The following TAF1A variants were observed in gnomAD, a reference collection of about 807,000 sequenced individuals.
TAF1A encodes TATA-box binding protein associated factor, RNA polymerase I subunit A.
In TAF1A, 42 loss-of-function variants were observed where a neutral mutation model predicts 61.6. The ratio of observed to expected loss-of-function variants is 0.68; its 90% CI spans 0.53 to 0.88. The LOEUF (loss-of-function observed/expected upper bound fraction) is 0.88, where lower values mean the gene tolerates loss of function less well. Ranked by LOEUF, TAF1A falls within the 40% of genes least tolerant of loss-of-function variation. The pLI is 0.00. For missense variants in TAF1A, 424 were observed against 518.7 expected, an observed-to-expected ratio of 0.82 and a Z score of 1.77; for synonymous variants, 179 against 177.7, an observed-to-expected ratio of 1.01 and a Z score of -0.06.
At position 222,584,648 on chromosome 1, in the gene TAF1A, G is replaced by A. The variant is rs186441570; in HGVS notation, c.122-351C>T. Among the ~76,000 whole-genome samples the A allele has an allele frequency of 1.1e-3, 163 of 152,208 alleles. 1 individual carries two copies. Among genetic ancestry groups the A allele is most frequent in the African/African-American group, 3.7e-3 (154 of 41,522 alleles). On this transcript the variant is annotated intron_variant, in intron 2 of 10. Coordinates refer to ENST00000352967, the MANE Select transcript of TAF1A (RefSeq NM_005681.4). ...GGTATTTAGAATGGGTAAAATGTCA[G>A]GGTCATTCTAGGCAAACATGGTCTT...
At chr1:222,560,786 T>C (rs1053468010) in intron 10 of TAF1A, among the ~76,000 whole-genome samples, 2 of 152,198 alleles carry the variant, frequency 1.3e-5, no homozygotes, top group Non-Finnish European at 2.9e-5. Flanking sequence ...TCTGTGGTAG[T>C]TTCATTTCGG....
At chr1:222,561,273 C>T in intron 10 of TAF1A, 91 bp downstream of exon 10, 1 of 1,333,886 alleles carries the variant, frequency 7.5e-7, no homozygotes, top group South Asian at 1.5e-5. Context: ...TTTTAGGTAC[C>T]ATGTTAGGTA....
At chr1:222,567,277 G>A (rs1660154601) in intron 7 of TAF1A, among the ~76,000 whole-genome samples, 1 of 152,106 alleles carries the variant, frequency 6.6e-6, no homozygotes, top group African/African-American at 2.4e-5. Context: ...TTAGCACAGA[G>A]GTTTTCAGGG....
chr1:222,587,020 T>C (rs1661042816), intron 2 of TAF1A, among the ~76,000 whole-genome samples: 1 of 152,226 alleles, frequency 6.6e-6, no homozygotes. Flanking sequence ...AGACTTTCTA[T>C]AGAACACTGG....
At chr1:222,579,951 T>C in intron 3 of TAF1A, 79 bp from the exon 4 acceptor site, 2 of 1,498,950 alleles carry the variant, frequency 1.3e-6, no homozygotes, top group Non-Finnish European at 1.8e-6. Context: ...TTTTCCTGAT[T>C]ACAACATTAA....
At chr1:222,579,937 A>G in intron 3 of TAF1A, 65 bp from the exon 4 acceptor site, 1 of 1,550,018 alleles carries the variant, frequency 6.5e-7, no homozygotes, top group Non-Finnish European at 8.7e-7. Context: ...TGTCTAAGAT[A>G]TTGTTTTCCT....
chr1:222,580,689 A>G (rs1660750123), intron 3 of TAF1A, among the ~76,000 whole-genome samples: 1 of 151,892 alleles, frequency 6.6e-6, no homozygotes, highest in Non-Finnish European at 1.5e-5. Flanking sequence ...ATCACACTGT[A>G]GTATTTGGGA....
In TAF1A at chr1:222,577,552, C is replaced by T. The variant is rs573293473; in HGVS notation, c.497G>A (p.Gly166Asp). 3 of 1,613,930 alleles carry T rather than the reference C, an allele frequency of 1.9e-6. No homozygotes were observed. The South Asian group carries it at 3.3e-5, about 18-fold the overall frequency. ...TATTTCCCGGGAAGACGTATTTTCACCATGTCTCCATGTCTCTGCCTCACT... is the reference window on the plus strand; with the variant it reads ...TATTTCCCGGGAAGACGTATTTTCATCATGTCTCCATGTCTCTGCCTCACT... ...NLSEAETWRH[G>D]ENTSSREILI... Residue 166 changes from glycine to aspartate, a missense_variant, in exon 5 of 11, where the codon GGT (glycine) becomes GAT (aspartate). Physicochemically the swap from Gly to Asp is moderately conservative, Grantham distance 94. Coordinates refer to ENST00000352967, the MANE Select transcript of TAF1A (RefSeq NM_005681.4).
chr1:222,554,740 G>T (rs959740075), downstream of TAF1A, among the ~76,000 whole-genome samples: 1 of 152,082 alleles, frequency 6.6e-6, no homozygotes, highest in Non-Finnish European at 1.5e-5. Flanking sequence ...CAGAATAAAG[G>T]TGAGGCCCAG....
chr1:222,558,297 T>G (rs1364506969), downstream of TAF1A: 2 of 152,756 alleles, frequency 1.3e-5, no homozygotes, highest in Non-Finnish European at 2.9e-5. Flanking sequence ...AATATAAAAG[T>G]AGAATATAAA....
intron 10 of TAF1A, 147 bp downstream of exon 10, chr1:222,561,217 A>G: frequency 1.4e-6 from 1 of 701,432 alleles, no homozygotes; most frequent in East Asian, 3.0e-5. Context: ...GTCCCAACTC[A>G]GGATTCACTC....
chr1:222,577,610 G>T lies in TAF1A; in HGVS notation c.439C>A (p.His147Asn). ...SLQHALYLLH[H>N]GMLKDAKRNL... Reference sequence around the variant, plus strand: ...CTCTTAGCATCTTTAAGCATTCCATGATGCAGAAGGTATAATGCATGTTGT... The same window carrying T: ...CTCTTAGCATCTTTAAGCATTCCATTATGCAGAAGGTATAATGCATGTTGT... Residue 147 changes from histidine (H) to asparagine (N), a missense_variant, in exon 5 of 11, where the codon CAT (histidine) becomes AAT (asparagine). His to Asn is a moderately conservative substitution (Grantham distance 68). Transcript: ENST00000352967. The T allele has an allele frequency of 1.2e-6, 2 of 1,613,890 alleles. No homozygotes were observed. Among genetic ancestry groups the T allele is most frequent in the Non-Finnish European group, 1.7e-6 (2 of 1,179,886 alleles).
chr1:222,559,560 T>A (rs1456611744), intron 10 of TAF1A, among the ~76,000 whole-genome samples: 1 of 152,226 alleles, frequency 6.6e-6, no homozygotes, highest in Non-Finnish European at 1.5e-5. Flanking sequence ...ATTAATTTCA[T>A]TACAGTTTCA....
At chr1:222,579,266 A>G (rs965385408) in intron 4 of TAF1A, among the ~76,000 whole-genome samples, 6 of 152,230 alleles carry the variant, frequency 3.9e-5, no homozygotes, top group Non-Finnish European at 7.3e-5. Flanking sequence ...TGAGACAAAA[A>G]CATAGAGAGG....
chr1:222,563,282 G>A lies in TAF1A; in HGVS notation c.976C>T (p.Arg326Cys), dbSNP rs372544688. 27 of 1,612,150 alleles carry A rather than the reference G, an allele frequency of 1.7e-5. No individual in the cohort carries two copies. The highest frequency in any genetic ancestry group is 1.3e-4 in the African/African-American group (10 of 74,744). Reference sequence around the variant, plus strand: ...AATAATACCTCCAACCCCAGTTTACGGTGTTCTTCTTTTTCTGCAATGGTT... The same window carrying A: ...AATAATACCTCCAACCCCAGTTTACAGTGTTCTTCTTTTTCTGCAATGGTT... ...LLRKSEKEEH[R>C]KLGLEVLFGV... is the part of the protein sequence containing the mutation. Residue 326 changes from arginine to cysteine, a missense_variant, in exon 9 of 11, where the codon CGT becomes TGT. Transcript: ENST00000352967.
chr1:222,566,187 G>A (rs994121057), intron 7 of TAF1A, among the ~76,000 whole-genome samples: 2 of 152,094 alleles, frequency 1.3e-5, no homozygotes, highest in African/African-American at 4.8e-5. Flanking sequence ...ATTTGCCAAA[G>A]ATGATAAACA....
chr1:222,572,641 T>C (rs191299270), intron 5 of TAF1A, among the ~76,000 whole-genome samples: 1 of 152,300 alleles, frequency 6.6e-6, no homozygotes, highest in East Asian at 1.9e-4. Flanking sequence ...ATTACAGGCA[T>C]GGCCACTGCT....
intron 7 of TAF1A, chr1:222,569,145 C>T (rs1437970951): frequency 1.0e-5 from 7 of 687,608 alleles, no homozygotes; most frequent in Non-Finnish European, 1.3e-5. Context: ...TGTTCTATAT[C>T]ATGATTACCA....
chr1:222,589,223 G>A (rs1013823774), intron 1 of TAF1A, among the ~76,000 whole-genome samples: 2 of 151,980 alleles, frequency 1.3e-5, no homozygotes, highest in African/African-American at 4.8e-5. Context: ...GATGCTCAGG[G>A]CCCCTTCCTC....
Sources: allele counts gnomAD v4.1 joint callset (sites outside exome capture counted in the v4.1 genomes callset), GRCh38; gene constraint gnomAD v4.1.1; transcripts MANE v1.5; gene names NCBI Gene and HGNC (gene_info 2026-07-23, HGNC 2026-07-21).